Variants in EXOC6B observed in about 807,000 individuals in gnomAD.
EXOC6B encodes the protein exocyst complex component 6B, also known as SEC15 homolog B.
In EXOC6B, 54 loss-of-function variants were observed where a neutral mutation model predicts 113.5. The observed-to-expected ratio is 0.48, with a 90% CI of 0.38 to 0.60. The LOEUF (loss-of-function observed/expected upper bound fraction) is 0.60, where lower values mean the gene tolerates loss of function less well. Ranked by LOEUF, EXOC6B falls within the 20% of genes least tolerant of loss-of-function variation. The pLI is 0.00. For synonymous variants in EXOC6B, 357 were observed against 339.0 expected (o/e 1.05, Z -0.58); for missense variants, 797 against 977.5 (o/e 0.82, Z 2.46).
intron 20 of EXOC6B, among the ~76,000 whole-genome samples, chr2:72,325,793 C>T (rs367617470): frequency 1.3e-5 from 2 of 151,936 alleles, no homozygotes; most frequent in East Asian, 3.9e-4. Flanking sequence ...CTTTCATAAT[C>T]GGTCCTACCT....
chr2:72,816,048 A>G (rs1349367870), intron 1 of EXOC6B, among the ~76,000 whole-genome samples: 3 of 152,098 alleles, frequency 2.0e-5, no homozygotes, highest in Admixed American at 6.5e-5. Flanking sequence ...AATCCCAGCT[A>G]CTCGCCAGGG....
At chr2:72,596,536 T>C (rs570133318) in intron 6 of EXOC6B, among the ~76,000 whole-genome samples, 2 of 152,088 alleles carry the variant, frequency 1.3e-5, no homozygotes, top group East Asian at 1.9e-4. Flanking sequence ...TTTTGAAATA[T>C]GCTCCCTCTA....
At chr2:72,330,049 G>A (rs908897708) in intron 20 of EXOC6B, among the ~76,000 whole-genome samples, 4 of 152,016 alleles carry the variant, frequency 2.6e-5, no homozygotes, top group Non-Finnish European at 2.9e-5. Flanking sequence ...CTCCATTCGC[G>A]AGATCTGATG....
At chr2:72,237,263 A>G (rs951285655) in intron 20 of EXOC6B, among the ~76,000 whole-genome samples, 3 of 152,218 alleles carry the variant, frequency 2.0e-5, no homozygotes, top group Non-Finnish European at 4.4e-5. Context: ...CAAGCTAGCA[A>G]GGCATGTGTG....
chr2:72,575,129 T>C (rs890176989), intron 7 of EXOC6B, among the ~76,000 whole-genome samples: 1 of 152,170 alleles, frequency 6.6e-6, no homozygotes, highest in African/African-American at 2.4e-5. Flanking sequence ...AGTAACATTT[T>C]TTTGTTTTTC....
intron 8 of EXOC6B, among the ~76,000 whole-genome samples, chr2:72,525,631 CT>C (rs1701714359): frequency 1.3e-5 from 2 of 151,984 alleles, no homozygotes; most frequent in South Asian, 4.2e-4. Context: ...AACTGTGCAC[CT>C]TAATTACCTA....
chr2:72,238,575 G>C (rs1682103550), intron 20 of EXOC6B, among the ~76,000 whole-genome samples: 1 of 152,082 alleles, frequency 6.6e-6, no homozygotes. Context: ...GTTGTTACTT[G>C]TCTTTTTTAT....
intron 18 of EXOC6B, chr2:72,464,838 A>C: frequency 3.2e-6 from 1 of 316,698 alleles, no homozygotes. Flanking sequence ...TAAAATATAC[A>C]TATCTGAAAT....
chr2:72,434,939 T>A lies in EXOC6B; in HGVS notation c.1980+30221A>T, dbSNP rs567543793. On this transcript the variant is annotated intron_variant, in intron 18 of 21. Transcript: ENST00000272427. The stretch of plus-strand genomic sequence containing the variant: ...GCTCTGATCTTAGTTATTTGTTGTC[T>A]TCTGCTAGCTTTTGAATGTGTTTGC... Among the ~76,000 whole-genome samples, 19 of 152,324 alleles carry A rather than the reference T, an allele frequency of 1.2e-4. No individual in the cohort carries two copies. The East Asian group carries it at 3.1e-3, about 25-fold the overall frequency.
At chr2:72,620,526 T>C (rs1168143107) in intron 6 of EXOC6B, among the ~76,000 whole-genome samples, 1 of 147,044 alleles carries the variant, frequency 6.8e-6, no homozygotes, top group East Asian at 1.9e-4. Context: ...AAATTTAAAT[T>C]TAAAAGACCT....
rs796854472 is a variant in EXOC6B at position 72,435,714 on chromosome 2, CT to C, written c.1980+29445del. ...TCGGAGACTAGGATTGCATCCCCTG[CT>C]TTTTTTTTGTTTTTTTTTTGCTTTC... On this transcript the variant is annotated intron_variant, in intron 18 of 21. Coordinates refer to ENST00000272427, the MANE Select transcript of EXOC6B (RefSeq NM_015189.3). 5.4e-4 allele frequency among the ~76,000 whole-genome samples: 68 copies of C among 126,498 alleles called. 1 individual carries two copies. The highest frequency in any genetic ancestry group is 2.1e-3 in the African/African-American group (56 of 27,128). 83.0% of individuals were successfully genotyped at this position (126,498 alleles called of 152,430 possible). A position where few individuals can be genotyped will look rare whatever the true frequency, so the allele number is the denominator to read the frequency against.
intron 6 of EXOC6B, among the ~76,000 whole-genome samples, chr2:72,631,459 TATAGAGAGAGAGAG>T (rs1672450964): frequency 1.4e-3 from 10 of 6,944 alleles, no homozygotes; most frequent in African/African-American, 2.7e-3. Context: ...TATATATATA[TATAGAGAGAGAGAG>T]AGAGAGAGAG....
intron 20 of EXOC6B, among the ~76,000 whole-genome samples, chr2:72,239,609 G>C (rs1179207780): frequency 6.6e-6 from 1 of 152,172 alleles, no homozygotes; most frequent in Non-Finnish European, 1.5e-5. Context: ...AAATCAAGAA[G>C]TGTGAATCTT....
chr2:72,767,828 A>AAAAAAAAAAAAAAAAAAAAAAC (rs1479629027), intron 1 of EXOC6B, among the ~76,000 whole-genome samples: 1 of 139,974 alleles, frequency 7.1e-6, no homozygotes, highest in African/African-American at 2.6e-5. Context: ...AAAAAAAAAA[A>AAAAAAAAAAAAAAAAAAAAAAC]AAAAAGACCA....
intron 20 of EXOC6B, among the ~76,000 whole-genome samples, chr2:72,285,081 T>A (rs983810070): frequency 1.3e-5 from 2 of 152,232 alleles, no homozygotes; most frequent in African/African-American, 4.8e-5. Context: ...AATCCCAATA[T>A]AAACCCCAGT....
intron 18 of EXOC6B, among the ~76,000 whole-genome samples, chr2:72,430,358 G>A (rs763236252): frequency 2.6e-5 from 4 of 152,222 alleles, no homozygotes; most frequent in Non-Finnish European, 4.4e-5. Flanking sequence ...AAATTTGGCT[G>A]GGTGTGGTGG....
chr2:72,706,901 G>A (rs1678917087), intron 6 of EXOC6B, among the ~76,000 whole-genome samples: 1 of 152,130 alleles, frequency 6.6e-6, no homozygotes, highest in Non-Finnish European at 1.5e-5. Context: ...TGTGCTTGGA[G>A]CCCATAAGAA....
chr2:72,290,608 A>T (rs936888720), intron 20 of EXOC6B, among the ~76,000 whole-genome samples: 1 of 152,048 alleles, frequency 6.6e-6, no homozygotes, highest in African/African-American at 2.4e-5. Context: ...AACATTATTC[A>T]TATTGAGACT....
chr2:72,431,789 C>A (rs1210226738), intron 18 of EXOC6B, among the ~76,000 whole-genome samples: 2 of 151,994 alleles, frequency 1.3e-5, no homozygotes, highest in African/African-American at 4.8e-5. Context: ...TAATGCTACC[C>A]CTCCCCTAGC....
Sources: gnomAD v4.1 joint callset for allele counts (sites outside exome capture counted in the v4.1 genomes callset) on GRCh38, gnomAD v4.1.1 for gene constraint, MANE v1.5 for transcripts, NCBI Gene and HGNC (gene_info 2026-07-23, HGNC 2026-07-21) for gene names.